Variants in NEMP2 observed in about 807,000 individuals in gnomAD.
NEMP2 encodes the protein UPF0571 transmembrane protein.
A neutral mutation model predicts 54.2 loss-of-function variants in NEMP2; 53 were observed. That is an observed-to-expected ratio of 0.98 (90% CI 0.78 to 1.23). The LOEUF (loss-of-function observed/expected upper bound fraction) is 1.23. Among genes scored for constraint, NEMP2 ranks in the 50% most tolerant of loss-of-function variants. NEMP2 has a pLI of 0.00. For missense variants in NEMP2, 455 were observed against 511.3 expected, an observed-to-expected ratio of 0.89 and a Z score of 1.06; for synonymous variants, 197 against 190.3, an observed-to-expected ratio of 1.04 and a Z score of -0.29.
the NEMP2 span, chr2:190,437,043 G>A: frequency 3.0e-5 from 48 of 1,614,196 alleles, no homozygotes; most frequent in East Asian, 5.3e-4. The surrounding 1 kb of genome is among the most constrained non-coding windows in gnomAD (Gnocchi z 5.9). Context: ...GGGGCCTGGC[G>A]ATGCTGTCTG....
rs1398917975 is a variant in NEMP2, at chr2:190,514,282, TG to T, written c.953+170del. Among the ~76,000 whole-genome samples the T allele has an allele frequency of 6.6e-6, 1 of 152,218 alleles. No individual in the cohort carries two copies. Among genetic ancestry groups the T allele is most frequent in the African/African-American group, 2.4e-5 (1 of 41,448 alleles). ...GATTAATGAAGACTAGCCATGAAGA[TG>T]GGATCAGATGCTTGGAGCTCTCTAC... On this transcript the variant is annotated intron_variant, in intron 7 of 8. Transcript: ENST00000409150. This position sits in a 1 kb window ranked among gnomAD's most constrained non-coding sequence, Gnocchi z 5.7.
chr2:190,514,737 A>C lies in NEMP2; in HGVS notation c.728-59T>G. On this transcript the variant is annotated intron_variant, in intron 6 of 8. Transcript: ENST00000409150. This position sits in a 1 kb window ranked among gnomAD's most constrained non-coding sequence, Gnocchi z 5.7. The stretch of plus-strand genomic sequence containing the variant: ...TTGAATTTGAGACATTATGTGAAAA[A>C]CCTGGCAGAGCCTTGACTTAAAGGT... 6.8e-7 allele frequency: 1 copy of C among 1,471,522 alleles called. No individual in the cohort carries two copies. 91.2% of individuals were successfully genotyped at this position (1,471,522 alleles called of 1,614,324 possible). A position where few individuals can be genotyped will look rare whatever the true frequency, so the allele number is the denominator to read the frequency against.
At chr2:190,556,510 AT>A in the NEMP2 span, among the ~76,000 whole-genome samples, 1 of 152,202 alleles carries the variant, frequency 6.6e-6, no homozygotes, top group Non-Finnish European at 1.5e-5. Flanking sequence ...AATAAAGCAT[AT>A]TTGATTAGGA....
rs1273985266 is a variant in NEMP2, at chr2:190,522,045, CTGAT to C, written c.214-2866_214-2863del. On this transcript the variant is annotated intron_variant, in intron 2 of 8. Transcript: ENST00000409150. The surrounding 1 kb of genome is among the most constrained non-coding windows in gnomAD (Gnocchi z 5.0). ...AAAGATATACCAGAAACTACTTAAA[CTGAT>C]TGTCTACAAGGGTTGGATAGGAATT... is the stretch of plus-strand genomic sequence containing the variant. Among the ~76,000 whole-genome samples, 2 of 152,132 alleles carry C rather than the reference CTGAT, an allele frequency of 1.3e-5. No homozygotes were observed. Among genetic ancestry groups the C allele is most frequent in the Admixed American group, 6.5e-5 (1 of 15,276 alleles).
the NEMP2 span, among the ~76,000 whole-genome samples, chr2:190,590,254 G>A: frequency 6.6e-6 from 1 of 152,210 alleles, no homozygotes; most frequent in African/African-American, 2.4e-5. The surrounding 1 kb of genome is among the most constrained non-coding windows in gnomAD (Gnocchi z 5.1). Flanking sequence ...CCTCACTGCT[G>A]TGGACTCTTT....
At chr2:190,573,585 G>A in the NEMP2 span, among the ~76,000 whole-genome samples, 189 of 152,280 alleles carry the variant, frequency 1.2e-3, 2 homozygotes, top group African/African-American at 4.1e-3. Context: ...AAAGATGGCA[G>A]AGTGGAGCCT....
the NEMP2 span, among the ~76,000 whole-genome samples, chr2:190,564,359 G>C: frequency 6.6e-6 from 1 of 152,136 alleles, no homozygotes; most frequent in Non-Finnish European, 1.5e-5. This position sits in a 1 kb window ranked among gnomAD's most constrained non-coding sequence, Gnocchi z 4.2. Context: ...TCAATCCATG[G>C]CTGGAAACTT....
the NEMP2 span, among the ~76,000 whole-genome samples, chr2:190,450,845 A>G: frequency 2.0e-5 from 3 of 152,148 alleles, no homozygotes; most frequent in Non-Finnish European, 4.4e-5. Context: ...AAGCTCTGAC[A>G]TTATTGAAAA....
At chr2:190,624,488 T>C in the NEMP2 span, 9 of 152,338 alleles carry the variant, frequency 5.9e-5, 2 homozygotes, top group South Asian at 2.1e-4. Context: ...AGAAAATCAG[T>C]ATATGGAAGA....
the NEMP2 span, chr2:190,436,866 T>G: frequency 6.2e-7 from 1 of 1,614,272 alleles, no homozygotes; most frequent in Non-Finnish European, 8.5e-7. This position sits in a 1 kb window ranked among gnomAD's most constrained non-coding sequence, Gnocchi z 5.3. Context: ...TGCTTGTTTA[T>G]GATCAACAAG....
At chr2:190,517,032 A>G (rs1690583137) in intron 5 of NEMP2, among the ~76,000 whole-genome samples, 1 of 149,800 alleles carries the variant, frequency 6.7e-6, no homozygotes, top group Non-Finnish European at 1.5e-5. Context: ...CAGAGGTTGC[A>G]GTGAGCCAAG....
upstream of NEMP2, among the ~76,000 whole-genome samples, chr2:190,537,954 A>G (rs10211375): frequency 0.17 from 25,405 of 152,158 alleles, 2,295 homozygotes; most frequent in Middle Eastern, 0.23. Flanking sequence ...AGCCAAGCAC[A>G]TACAACAAAT....
chr2:190,585,829 G>A, the NEMP2 span, among the ~76,000 whole-genome samples: 24 of 152,106 alleles, frequency 1.6e-4, no homozygotes, highest in African/African-American at 5.1e-4. This position sits in a 1 kb window ranked among gnomAD's most constrained non-coding sequence, Gnocchi z 5.3. Context: ...TGGATCCAGC[G>A]ACAGTCATCA....
the NEMP2 span, among the ~76,000 whole-genome samples, chr2:190,555,353 TG>T: frequency 6.6e-6 from 1 of 151,924 alleles, no homozygotes; most frequent in Non-Finnish European, 1.5e-5. The surrounding 1 kb of genome is among the most constrained non-coding windows in gnomAD (Gnocchi z 4.8). Context: ...CTTCAGAAGG[TG>T]GGTAATAACA....
the NEMP2 span, among the ~76,000 whole-genome samples, chr2:190,575,828 C>A: frequency 6.6e-6 from 1 of 151,126 alleles, no homozygotes; most frequent in African/African-American, 2.4e-5. Context: ...TGCACTTCAG[C>A]CTGGGTGACA....
the NEMP2 span, among the ~76,000 whole-genome samples, chr2:190,641,852 G>A: frequency 6.6e-6 from 1 of 152,170 alleles, no homozygotes; most frequent in Non-Finnish European, 1.5e-5. Context: ...TGTTGCCAAA[G>A]ATAGGGGATA....
chr2:190,597,596 T>A, the NEMP2 span, among the ~76,000 whole-genome samples: 1 of 152,196 alleles, frequency 6.6e-6, no homozygotes. This position sits in a 1 kb window ranked among gnomAD's most constrained non-coding sequence, Gnocchi z 4.7. Flanking sequence ...AATGTTAAAA[T>A]GTACAGTAAA....
the NEMP2 span, among the ~76,000 whole-genome samples, chr2:190,647,710 C>CT: frequency 0.088 from 9,056 of 102,384 alleles, 1,178 homozygotes; most frequent in African/African-American, 0.21. Context: ...TCTTCTTCTT[C>CT]TTTTTTTTTT....
chr2:190,480,413 AATGAT>A, the NEMP2 span, among the ~76,000 whole-genome samples: 1 of 152,180 alleles, frequency 6.6e-6, no homozygotes, highest in African/African-American at 2.4e-5. Flanking sequence ...ATATCTTTTG[AATGAT>A]ATAAGAAATT....
Sources: allele counts gnomAD v4.1 joint callset (sites outside exome capture counted in the v4.1 genomes callset), GRCh38; gene constraint gnomAD v4.1.1; non-coding constraint Gnocchi (gnomAD v3.1); transcripts MANE v1.5; gene names NCBI Gene and HGNC (gene_info 2026-07-23, HGNC 2026-07-21).